PHLPP2: variants seen among roughly 807,000 people sequenced by gnomAD.
PHLPP2 encodes the protein PH domain leucine-rich repeat-containing protein phosphatase 2.
Under a neutral mutation model 124.9 loss-of-function variants are expected in PHLPP2, and 66 were observed. The ratio of observed to expected loss-of-function variants is 0.53; its 90% confidence interval spans 0.43 to 0.65. PHLPP2 has a LOEUF of 0.65. Among genes scored for constraint, PHLPP2 ranks in the 30% least tolerant of loss-of-function variants. The probability of loss-of-function intolerance (pLI) is 0.00; values close to 1 mark genes in which losing one functional copy is unlikely to be tolerated. For synonymous variants in PHLPP2, 681 were observed against 624.7 expected (o/e 1.09, Z -1.34); for missense variants, 1,685 against 1,600.4 (o/e 1.05, Z -0.90).
intron 1 of PHLPP2, among the ~76,000 whole-genome samples, chr16:71,718,870 G>A (rs935458215): frequency 1.1e-4 from 16 of 152,232 alleles, no homozygotes; most frequent in African/African-American, 2.2e-4. Flanking sequence ...AAACCTGACC[G>A]ATGGGCACTT....
chr16:71,719,228 GT>G (rs1176764788), intron 1 of PHLPP2, among the ~76,000 whole-genome samples: 3 of 152,174 alleles, frequency 2.0e-5, no homozygotes. Context: ...TACAAAGAGC[GT>G]ATTTTAGATT....
intron 9 of PHLPP2, among the ~76,000 whole-genome samples, chr16:71,675,007 T>C (rs1031918014): frequency 2.6e-5 from 4 of 152,118 alleles, no homozygotes; most frequent in Non-Finnish European, 5.9e-5. Flanking sequence ...AAAATCCTAC[T>C]TTTTCATGCT....
chr16:71,684,436 T>C, intron 5 of PHLPP2, 40 bp downstream of exon 5: 1 of 1,610,014 alleles, frequency 6.2e-7, no homozygotes, highest in Non-Finnish European at 8.5e-7. Flanking sequence ...TAGGGTTCTC[T>C]ATTCTTATCT....
chr16:71,645,589 A>G lies in PHLPP2; in HGVS notation c.*3301T>C, dbSNP rs757661248. 6 of 152,862 alleles carry G rather than the reference A, an allele frequency of 3.9e-5. No individual in the cohort carries two copies. The highest frequency in any genetic ancestry group is 1.4e-4 in the African/African-American group (6 of 41,448). 9.5% of individuals were successfully genotyped at this position (152,862 alleles called of 1,614,324 possible). A position where few individuals can be genotyped will look rare whatever the true frequency, so the allele number is the denominator to read the frequency against. ...GTACCGGCTTTTGCTGAAGGTCTAC[A>G]TGGGAAGAAGAGCATCATTTGATAT... On this transcript the variant is annotated 3_prime_UTR_variant, in exon 19 of 19. Transcript: ENST00000568954.
intron 2 of PHLPP2, among the ~76,000 whole-genome samples, chr16:71,712,524 A>C (rs2045330647): frequency 6.6e-6 from 1 of 152,234 alleles, no homozygotes; most frequent in Non-Finnish European, 1.5e-5. Context: ...TAAATAAGTT[A>C]ATCAATCACT....
At chr16:71,691,436 G>A (rs2045111548) in intron 3 of PHLPP2, among the ~76,000 whole-genome samples, 1 of 151,368 alleles carries the variant, frequency 6.6e-6, no homozygotes, top group African/African-American at 2.4e-5. Context: ...ACTCCAGCCT[G>A]GGCGACAGAG....
intron 3 of PHLPP2, among the ~76,000 whole-genome samples, chr16:71,693,570 G>C (rs1160538525): frequency 6.6e-6 from 1 of 152,162 alleles, no homozygotes; most frequent in Admixed American, 6.5e-5. Flanking sequence ...ACTGGCACCA[G>C]ACTGATCTTC....
chr16:71,656,735 C>A, intron 15 of PHLPP2, 54 bp from the exon 16 acceptor site: 1 of 1,047,800 alleles, frequency 9.5e-7, no homozygotes, highest in Non-Finnish European at 1.5e-6. Flanking sequence ...TTTACAAAAA[C>A]TATCCCAACA....
At chr16:71,673,398 A>T (rs1449537779) in intron 9 of PHLPP2, among the ~76,000 whole-genome samples, 1 of 152,118 alleles carries the variant, frequency 6.6e-6, no homozygotes, top group African/African-American at 2.4e-5. Flanking sequence ...AGGAGTTTCA[A>T]TTTGCATATC....
At chr16:71,653,823 A>G (rs752527378) in intron 17 of PHLPP2, among the ~76,000 whole-genome samples, 2 of 152,052 alleles carry the variant, frequency 1.3e-5, no homozygotes, top group Non-Finnish European at 2.9e-5. Context: ...TCTTCCTAAC[A>G]CTTTGCTTTG....
intron 13 of PHLPP2, among the ~76,000 whole-genome samples, chr16:71,661,640 T>TA (rs916284829): frequency 4.0e-5 from 6 of 150,422 alleles, no homozygotes; most frequent in East Asian, 1.9e-4. Flanking sequence ...TAGAAGTCAT[T>TA]AAAAAAAAAT....
chr16:71,675,776 T>G lies in PHLPP2; in HGVS notation c.1471+671A>C, dbSNP rs987650004. Among the ~76,000 whole-genome samples the G allele has an allele frequency of 3.3e-5, 5 of 152,202 alleles. No individual in the cohort carries two copies. In the East Asian group the frequency reaches 7.7e-4, roughly 23 times the overall value. On this transcript the variant is annotated intron_variant, in intron 9 of 18. Coordinates refer to ENST00000568954, the MANE Select transcript of PHLPP2 (RefSeq NM_015020.3). ...CTCACCCAGTTCTCTCATGAGAACA[T>G]GCAATGGCACGGTCTCAGCTCACTG...
intron 13 of PHLPP2, among the ~76,000 whole-genome samples, chr16:71,659,964 A>C (rs1204689635): frequency 6.6e-6 from 1 of 151,746 alleles, no homozygotes; most frequent in African/African-American, 2.4e-5. Flanking sequence ...TTTTCATATA[A>C]CATATCATAA....
At chr16:71,722,698 C>G (rs763084801) in intron 1 of PHLPP2, among the ~76,000 whole-genome samples, 5 of 152,148 alleles carry the variant, frequency 3.3e-5, no homozygotes, top group African/African-American at 4.8e-5. Flanking sequence ...TCTTTCCTTT[C>G]CATCCTTCTA....
chr16:71,693,309 A>G (rs2045134543), intron 3 of PHLPP2, among the ~76,000 whole-genome samples: 1 of 152,026 alleles, frequency 6.6e-6, no homozygotes, highest in South Asian at 2.1e-4. Context: ...AAAGATCAAC[A>G]TGCCTAAACC....
chr16:71,702,587 T>C lies in PHLPP2; in HGVS notation c.418+11A>G, dbSNP rs1218012858. The stretch of plus-strand genomic sequence containing the variant: ...AGTAGTTAACATACAAAGCCACTGA[T>C]AAATTCTTACCACCATAAAATCGAA... On this transcript the variant is annotated intron_variant, in intron 3 of 18. Coordinates refer to ENST00000568954, the MANE Select transcript of PHLPP2 (RefSeq NM_015020.3). 1.2e-6 allele frequency: 2 copies of C among 1,606,108 alleles called. No homozygotes were observed. The highest frequency in any genetic ancestry group is 2.3e-4 in the Middle Eastern group (1 of 4,414).
At chr16:71,682,414 C>T (rs2045009949) in intron 5 of PHLPP2, among the ~76,000 whole-genome samples, 1 of 152,006 alleles carries the variant, frequency 6.6e-6, no homozygotes, top group African/African-American at 2.4e-5. Context: ...AACTCCTGAC[C>T]TCAGGTAATC....
At chr16:71,707,333 A>C (rs2045283436) in intron 2 of PHLPP2, among the ~76,000 whole-genome samples, 1 of 151,858 alleles carries the variant, frequency 6.6e-6, no homozygotes, top group Non-Finnish European at 1.5e-5. Context: ...CTGTGAGGAG[A>C]CTCTAATCCT....
chr16:71,682,218 GT>G (rs537663645), intron 5 of PHLPP2, among the ~76,000 whole-genome samples: 8,768 of 134,578 alleles, frequency 0.065, 215 homozygotes, highest in Middle Eastern at 0.14. Context: ...TTGTTTTTGG[GT>G]TTTTTTTTTT....
Sources: gnomAD v4.1 joint callset for allele counts (sites outside exome capture counted in the v4.1 genomes callset) on GRCh38, gnomAD v4.1.1 for gene constraint, MANE v1.5 for transcripts, NCBI Gene and HGNC (gene_info 2026-07-23, HGNC 2026-07-21) for gene names.